The following DCP2 variants were observed in gnomAD, a reference collection of about 807,000 sequenced individuals.
DCP2 encodes the protein m7GpppN-mRNA hydrolase.
A neutral mutation model predicts 56.1 loss-of-function variants in DCP2; 30 were observed. The observed-to-expected ratio is 0.53, with a 90% CI of 0.40 to 0.73. DCP2 has a LOEUF of 0.73. Ranked by LOEUF, DCP2 falls within the 30% of genes least tolerant of loss-of-function variation. DCP2 has a pLI of 0.00. For synonymous variants in DCP2, 197 were observed against 163.3 expected, an observed-to-expected ratio of 1.21 and a Z score of -1.57; for missense variants, 533 against 502.7, an observed-to-expected ratio of 1.06 and a Z score of -0.58.
intron 9 of DCP2, among the ~76,000 whole-genome samples, 196 bp from the exon 10 acceptor site, chr5:113,010,560 C>T (rs1381697596): frequency 6.6e-6 from 1 of 151,752 alleles, no homozygotes; most frequent in Non-Finnish European, 1.5e-5. Flanking sequence ...TAATCAAGAA[C>T]TAAAAAAAAT....
At chr5:112,986,226 A>T (rs1212803959) in intron 2 of DCP2, among the ~76,000 whole-genome samples, 1 of 151,922 alleles carries the variant, frequency 6.6e-6, no homozygotes, top group Non-Finnish European at 1.5e-5. Flanking sequence ...ATTAAATTTT[A>T]TTTTTTTCCC....
chr5:113,009,911 CT>C (rs910536423), intron 9 of DCP2, among the ~76,000 whole-genome samples: 3 of 139,034 alleles, frequency 2.2e-5, no homozygotes, highest in Non-Finnish European at 3.2e-5. Context: ...AATGAATAAT[CT>C]TTTTTTTCCT....
intron 4 of DCP2, among the ~76,000 whole-genome samples, chr5:112,994,377 G>T (rs1314553203): frequency 6.6e-6 from 1 of 151,420 alleles, no homozygotes; most frequent in Non-Finnish European, 1.5e-5. Flanking sequence ...TCACTGTGTT[G>T]CCCGGGCTGG....
intron 1 of DCP2, among the ~76,000 whole-genome samples, chr5:112,977,778 G>C (rs114195275): frequency 6.6e-6 from 1 of 152,182 alleles, no homozygotes; most frequent in Non-Finnish European, 1.5e-5. Flanking sequence ...AAAATTTGGA[G>C]TGCAGTGATA....
chr5:113,009,508 C>G (rs1447604970), intron 9 of DCP2, among the ~76,000 whole-genome samples: 2 of 152,136 alleles, frequency 1.3e-5, no homozygotes, highest in African/African-American at 4.8e-5. Context: ...ATTGGTAACA[C>G]ATAAAAATTA....
At chr5:113,000,420 A>ACACACCCACC (rs1554100635) in intron 4 of DCP2, among the ~76,000 whole-genome samples, 1 of 146,652 alleles carries the variant, frequency 6.8e-6, no homozygotes, top group Non-Finnish European at 1.5e-5. Context: ...ACACACACAC[A>ACACACCCACC]CACACCCACA....
At chr5:112,977,147 G>A (rs1170443099) in intron 1 of DCP2, among the ~76,000 whole-genome samples, 161 bp downstream of exon 1, 1 of 152,020 alleles carries the variant, frequency 6.6e-6, no homozygotes, top group African/African-American at 2.4e-5. Context: ...CGACGACACC[G>A]CCCCTCTTTC....
At chr5:112,990,088 G>A (rs182336556) in intron 2 of DCP2, among the ~76,000 whole-genome samples, 3 of 152,282 alleles carry the variant, frequency 2.0e-5, no homozygotes, top group East Asian at 1.9e-4. Context: ...CATGTAAATC[G>A]TTTACTTGGC....
At chr5:113,003,858 A>G in intron 7 of DCP2, 84 bp from the exon 8 acceptor site, 1 of 1,423,820 alleles carries the variant, frequency 7.0e-7, no homozygotes, top group Non-Finnish European at 9.7e-7. Context: ...GAAAATATGT[A>G]GTCTATAAAT....
At chr5:112,988,775 G>A (rs918915704) in intron 2 of DCP2, among the ~76,000 whole-genome samples, 5 of 152,178 alleles carry the variant, frequency 3.3e-5, no homozygotes, top group African/African-American at 1.2e-4. Flanking sequence ...TGGTTTTCAG[G>A]AGTTACAATC....
In DCP2 at chr5:112,992,668, G is replaced by C. The variant is rs766227654; in HGVS notation, c.334-4G>C. 8 of 1,562,882 alleles carry C rather than the reference G, an allele frequency of 5.1e-6. No homozygotes were observed. The highest frequency in any genetic ancestry group is 1.4e-5 in the African/African-American group (1 of 71,876). On this transcript the variant is annotated splice_region_variant and splice_polypyrimidine_tract_variant and intron_variant, in intron 3 of 10. Transcript: ENST00000389063. ...TTTGATTTTTACTTCTGCTTGTTTT[G>C]TAGGTACTACTAGTTCAGGGGTACC...
chr5:113,005,151 G>GGTGTGGGTGTGTGTGT (rs1554101205), intron 8 of DCP2, among the ~76,000 whole-genome samples: 17 of 149,524 alleles, frequency 1.1e-4, no homozygotes, highest in South Asian at 2.1e-4. Flanking sequence ...TGTGCGTGTG[G>GGTGTGGGTGTGTGTGT]GTGTGTGTGT....
intron 4 of DCP2, among the ~76,000 whole-genome samples, chr5:113,000,302 AAGTGATCCTCCCTCTGTGGCCT>A (rs1561697360): frequency 6.9e-4 from 104 of 151,692 alleles, no homozygotes; most frequent in African/African-American, 2.5e-3. Context: ...ACCTGGGCTC[AAGTGATCCTCCCTCTGTGGCCT>A]CCCAAAGTAC....
intron 4 of DCP2, among the ~76,000 whole-genome samples, chr5:112,994,166 T>TC (rs1223573798): frequency 7.1e-6 from 1 of 141,412 alleles, no homozygotes; most frequent in Admixed American, 7.0e-5. Flanking sequence ...TTTCTTTCTT[T>TC]TTTTTTTTTT....
rs142569471 is a variant in DCP2, at chr5:112,988,195, A to G, written c.205+2209A>G. Among the ~76,000 whole-genome samples, 1,212 of 152,088 alleles carry G rather than the reference A, an allele frequency of 8.0e-3. 7 individuals are homozygous for G. The highest frequency in any genetic ancestry group is 0.012 in the Non-Finnish European group (840 of 67,956). On this transcript the variant is annotated intron_variant, in intron 2 of 10. Coordinates refer to ENST00000389063, the MANE Select transcript of DCP2 (RefSeq NM_152624.6). ...ATTACTCTGATCATTTGAAAACGGTATCCAAGGCCGGGTGCGGTGGCTCAT... is the reference window on the plus strand; with the variant it reads ...ATTACTCTGATCATTTGAAAACGGTGTCCAAGGCCGGGTGCGGTGGCTCAT...
chr5:113,011,670 G>T (rs886589010), intron 10 of DCP2, among the ~76,000 whole-genome samples: 4 of 152,174 alleles, frequency 2.6e-5, no homozygotes, highest in African/African-American at 9.7e-5. Flanking sequence ...GAAAGTTACT[G>T]TTAACTGTGA....
At chr5:113,009,465 TGAAAA>T (rs1161951888) in intron 9 of DCP2, among the ~76,000 whole-genome samples, 4 of 152,178 alleles carry the variant, frequency 2.6e-5, no homozygotes, top group African/African-American at 9.7e-5. Flanking sequence ...TTGGCAAAGA[TGAAAA>T]GAAGTAACCC....
intron 2 of DCP2, among the ~76,000 whole-genome samples, chr5:112,987,490 T>C (rs1748349291): frequency 6.6e-6 from 1 of 152,060 alleles, no homozygotes; most frequent in Non-Finnish European, 1.5e-5. Flanking sequence ...CCTCACTTTG[T>C]TGACCAGGCT....
At chr5:112,978,166 G>A (rs548993251) in intron 1 of DCP2, among the ~76,000 whole-genome samples, 1 of 151,938 alleles carries the variant, frequency 6.6e-6, no homozygotes, top group Admixed American at 6.6e-5. Flanking sequence ...TAGTAGAGAC[G>A]GGATTTCACC....
Sources: allele counts gnomAD v4.1 joint callset (sites outside exome capture counted in the v4.1 genomes callset), GRCh38; gene constraint gnomAD v4.1.1; transcripts MANE v1.5; gene names NCBI Gene and HGNC (gene_info 2026-07-23, HGNC 2026-07-21).